PCDHA9: variants seen among roughly 807,000 people sequenced by gnomAD.
PCDHA9 encodes the protein protocadherin alpha 9, also known as protocadherin alpha-9.
A neutral mutation model predicts 62.0 loss-of-function variants in PCDHA9; 62 were observed. That is an observed-to-expected ratio of 1.00 (90% confidence interval 0.81 to 1.23). The LOEUF (loss-of-function observed/expected upper bound fraction) is 1.23, where lower values mean the gene tolerates loss of function less well. PCDHA9 is among the 50% of genes most tolerant of loss of function. The probability of loss-of-function intolerance (pLI) is 0.00; values close to 1 mark genes in which losing one functional copy is unlikely to be tolerated. For missense variants in PCDHA9, 1,205 were observed against 1,249.8 expected, an observed-to-expected ratio of 0.96 and a Z score of 0.54; for synonymous variants, 557 against 567.6, an observed-to-expected ratio of 0.98 and a Z score of 0.27.
intron 1 of PCDHA9, chr5:140,928,604 C>T: frequency 6.2e-7 from 1 of 1,614,198 alleles, no homozygotes; most frequent in Non-Finnish European, 8.5e-7. Context: ...GAAATTGTGC[C>T]CCGCTCTGCC....
intron 3 of PCDHA9, among the ~76,000 whole-genome samples, chr5:140,986,151 G>T (rs547474191): frequency 6.6e-6 from 1 of 152,316 alleles, no homozygotes; most frequent in East Asian, 1.9e-4. Flanking sequence ...GCATCACCAA[G>T]TAATGTTTTC....
intron 1 of PCDHA9, chr5:140,927,673 G>C: frequency 6.2e-7 from 1 of 1,614,224 alleles, no homozygotes; most frequent in Non-Finnish European, 8.5e-7. Flanking sequence ...CTTGGATCCA[G>C]ATGAAGGGTC....
chr5:140,856,016 A>G (rs2043730978), intron 1 of PCDHA9: 2 of 1,550,936 alleles, frequency 1.3e-6, no homozygotes, highest in East Asian at 2.3e-5. Flanking sequence ...TAGACCGCTG[A>G]TTCGTCGATT....
At chr5:140,973,089 T>G (rs534319830) in intron 1 of PCDHA9, among the ~76,000 whole-genome samples, 2 of 152,308 alleles carry the variant, frequency 1.3e-5, no homozygotes, top group East Asian at 3.9e-4. Flanking sequence ...TGGCACAACA[T>G]GTAGAAATTA....
At chr5:140,928,810 G>T (rs143843461) in intron 1 of PCDHA9, 1 of 1,614,106 alleles carries the variant, frequency 6.2e-7, no homozygotes. Context: ...AGTGGTTCGG[G>T]ACCATGGAGA....
At chr5:140,892,927 C>G (rs1554185442) in intron 1 of PCDHA9, among the ~76,000 whole-genome samples, 1 of 152,152 alleles carries the variant, frequency 6.6e-6, no homozygotes, top group African/African-American at 2.4e-5. Context: ...CCTTCCCAGC[C>G]TCTGATAAGC....
chr5:140,884,947 C>CA (rs2060414559), intron 1 of PCDHA9, among the ~76,000 whole-genome samples: 1 of 152,090 alleles, frequency 6.6e-6, no homozygotes, highest in Non-Finnish European at 1.5e-5. Context: ...TGAGCATTTA[C>CA]AAAAAATTCC....
intron 1 of PCDHA9, among the ~76,000 whole-genome samples, chr5:140,924,973 GCTCATGT>G (rs1447379119): frequency 2.0e-5 from 3 of 151,826 alleles, no homozygotes; most frequent in African/African-American, 7.2e-5. Flanking sequence ...GAGTGCAGTG[GCTCATGT>G]CTGTAATCCT....
At chr5:140,856,939 G>T (rs1554149308) in intron 1 of PCDHA9, 2 of 1,593,866 alleles carry the variant, frequency 1.3e-6, no homozygotes, top group Non-Finnish European at 1.7e-6. Flanking sequence ...TAAACGAAAG[G>T]ACGGGAGAAA....
rs2098419589 is a variant in PCDHA9 at position 141,011,142 on chromosome 5, C to A, written c.*1205C>A. 1 of 153,660 alleles carries A rather than the reference C, an allele frequency of 6.5e-6. No individual in the cohort carries two copies. The highest frequency in any genetic ancestry group is 2.1e-4 in the South Asian group (1 of 4,820). 9.5% of individuals were successfully genotyped at this position (153,660 alleles called of 1,614,324 possible). On this transcript the variant is annotated 3_prime_UTR_variant, in exon 4 of 4. Transcript: ENST00000532602. ...CAATTATGTGCACTTTGATACACAA[C>A]CTTCTCTAACCAACTATATATCAAG...
chr5:140,977,610 A>G (rs1056611698), intron 1 of PCDHA9, among the ~76,000 whole-genome samples: 1 of 152,196 alleles, frequency 6.6e-6, no homozygotes, highest in Non-Finnish European at 1.5e-5. Context: ...CCATTGAGGT[A>G]AAGTATCCCA....
Position 140,858,148 on chromosome 5 carries a change from C to T in PCDHA9, c.2394+7259C>T, listed in dbSNP as rs189442889. The T allele has an allele frequency of 6.1e-4, 978 of 1,597,640 alleles. 22 individuals are homozygous for T. In the East Asian group the frequency reaches 0.021, roughly 34 times the overall value. On this transcript the variant is annotated intron_variant, in intron 1 of 3. Coordinates refer to ENST00000532602, the MANE Select transcript of PCDHA9 (RefSeq NM_031857.2). ...TGGATGTCAACGTGTACCTGATCAT[C>T]GCCATCTGCGCGGTGTCCAGCTTGC...
intron 1 of PCDHA9, among the ~76,000 whole-genome samples, chr5:140,914,475 T>A (rs1473439533): frequency 6.6e-6 from 1 of 152,204 alleles, no homozygotes; most frequent in Non-Finnish European, 1.5e-5. Context: ...TCTTCATAGG[T>A]GAAGTGTTTC....
chr5:140,968,614 A>G, intron 1 of PCDHA9: 5 of 1,614,142 alleles, frequency 3.1e-6, no homozygotes, highest in Non-Finnish European at 4.2e-6. Flanking sequence ...ACTCTGGGCA[A>G]AATGCTTGGC....
In PCDHA9 at chr5:140,875,510, G is replaced by T. The variant is rs186070067; in HGVS notation, c.2394+24621G>T. The stretch of plus-strand genomic sequence containing the variant: ...GGACCAAGAGGCCCGGGATCCCAGC[G>T]TCTGCTGCTCTCGCTTCTGCTCCTT... On this transcript the variant is annotated intron_variant, in intron 1 of 3. Transcript: ENST00000532602. 1.2e-5 allele frequency: 19 copies of T among 1,613,812 alleles called. No homozygotes were observed. Among genetic ancestry groups the T allele is most frequent in the Non-Finnish European group, 1.6e-5 (19 of 1,179,784 alleles).
chr5:140,942,608 T>G (rs1221656316), intron 1 of PCDHA9, among the ~76,000 whole-genome samples: 3 of 114,466 alleles, frequency 2.6e-5, no homozygotes, highest in Non-Finnish European at 5.4e-5. Context: ...AGTGTTTATA[T>G]TTGCCAATTG....
chr5:140,909,061 A>G (rs2074290709), intron 1 of PCDHA9, among the ~76,000 whole-genome samples: 2 of 152,188 alleles, frequency 1.3e-5, no homozygotes, highest in African/African-American at 4.8e-5. Context: ...CAAATGTCTC[A>G]CCAATAAGCC....
chr5:140,859,358 A>G (rs1470133461), intron 1 of PCDHA9: 1 of 254,184 alleles, frequency 3.9e-6, no homozygotes, highest in Non-Finnish European at 7.4e-6. Context: ...CTGATCTGAT[A>G]TATTGTATAG....
At chr5:140,884,758 C>T in intron 1 of PCDHA9, 2 of 1,424,736 alleles carry the variant, frequency 1.4e-6, no homozygotes, top group Middle Eastern at 4.1e-4. Flanking sequence ...TCAAATTATT[C>T]TTTACTTTAA....
Sources: allele counts gnomAD v4.1 joint callset (sites outside exome capture counted in the v4.1 genomes callset), GRCh38; gene constraint gnomAD v4.1.1; transcripts MANE v1.5; gene names NCBI Gene and HGNC (gene_info 2026-07-23, HGNC 2026-07-21).